Variants in MOK observed in about 807,000 individuals in gnomAD.
The protein encoded by MOK is MOK protein kinase.
MOK carries 59 observed loss-of-function variants against 54.2 expected under a neutral mutation model. The observed-to-expected ratio is 1.09, with a 90% CI of 0.88 to 1.35. The LOEUF is 1.35. MOK is among the 40% of genes most tolerant of loss of function. The pLI is 0.00. For missense variants in MOK, 517 were observed against 526.2 expected (o/e 0.98, Z 0.17); for synonymous variants, 210 against 202.7 (o/e 1.04, Z -0.31).
At chr14:102,222,442 T>C (rs1464432682), downstream of MOK, among the ~76,000 whole-genome samples, 1 of 152,218 alleles carries the variant, frequency 6.6e-6, no homozygotes, top group African/African-American at 2.4e-5. The surrounding 1 kb of genome is among the most constrained non-coding windows in gnomAD (Gnocchi z 4.4). Flanking sequence ...GGTCCAGAAC[T>C]GCGGTGCCCT....
At chr14:102,300,490 C>T (rs2072063108) in intron 1 of MOK, among the ~76,000 whole-genome samples, 2 of 151,838 alleles carry the variant, frequency 1.3e-5, no homozygotes, top group Non-Finnish European at 2.9e-5. Context: ...TGGAGGCTGT[C>T]GTGAGCTGTG....
chr14:102,224,398 A>ATCC, downstream of MOK: 1 of 361,534 alleles, frequency 2.8e-6, no homozygotes, highest in South Asian at 2.2e-5. Flanking sequence ...AGTTTAGGGC[A>ATCC]TCCCACACCT....
chr14:102,277,180 C>T (rs2068956798), intron 2 of MOK: 1 of 152,036 alleles, frequency 6.6e-6, no homozygotes, highest in Non-Finnish European at 1.5e-5. Context: ...AAGCAAGCCA[C>T]CACACCCAGC....
Position 102,251,981 on chromosome 14 carries a change from AT to A in MOK, c.297del (p.Leu100TyrfsTer30). 6.3e-7 allele frequency: 1 copy of A among 1,591,180 alleles called. No individual in the cohort carries two copies. The highest frequency in any genetic ancestry group is 8.6e-7 in the Non-Finnish European group (1 of 1,160,024). On this transcript the variant is annotated frameshift_variant, in exon 5 of 12. Coordinates refer to ENST00000361847, the MANE Select transcript of MOK (RefSeq NM_014226.3). LOFTEE classifies it high-confidence loss of function. Reference sequence around the variant, plus strand: ...TAGTGCATAATTTTTTTTTCTGATAATGGGTATCTTCTCCCTGTACAATCAA... The same window carrying A: ...TAGTGCATAATTTTTTTTTCTGATAAGGGTATCTTCTCCCTGTACAATCAA... ...IYELIRGRRY[P>X]LSEKKIMHYM...
rs911704768 is a variant in MOK at position 102,289,737 on chromosome 14, G to A, written c.8-6145C>T. Among the ~76,000 whole-genome samples the A allele has an allele frequency of 3.9e-5, 6 of 152,040 alleles. No homozygotes were observed. The South Asian group carries it at 8.3e-4, about 21-fold the overall frequency. ...ACTCCTAACCTCAGGTAATCCACCC[G>A]CCTCAGCTTCCCACCCGCCTCACCC... On this transcript the variant is annotated intron_variant, in intron 1 of 11. Coordinates refer to ENST00000361847, the MANE Select transcript of MOK (RefSeq NM_014226.3).
intron 1 of MOK, among the ~76,000 whole-genome samples, chr14:102,295,195 C>A (rs2071300176): frequency 6.6e-6 from 1 of 152,008 alleles, no homozygotes; most frequent in Admixed American, 6.6e-5. Context: ...ATAGAGTAAA[C>A]AAGCACCAAA....
intron 1 of MOK, among the ~76,000 whole-genome samples, chr14:102,287,096 A>C (rs1412775126): frequency 6.6e-6 from 1 of 152,200 alleles, no homozygotes; most frequent in African/African-American, 2.4e-5. Context: ...AATAACAAAA[A>C]CTAAATACTC....
chr14:102,228,339 G>A (rs958784146), downstream of MOK, among the ~76,000 whole-genome samples: 4 of 152,326 alleles, frequency 2.6e-5, no homozygotes, highest in South Asian at 2.1e-4. Flanking sequence ...TCACTGAGGA[G>A]CACACAGGGC....
chr14:102,283,163 G>GT (rs963606671), intron 2 of MOK: 61 of 187,422 alleles, frequency 3.3e-4, no homozygotes, highest in Non-Finnish European at 4.4e-4. Flanking sequence ...TTTTTTTGCT[G>GT]TTTTTTTTAA....
chr14:102,284,171 C>T (rs1199999021), intron 1 of MOK, among the ~76,000 whole-genome samples: 1 of 151,878 alleles, frequency 6.6e-6, no homozygotes, highest in Non-Finnish European at 1.5e-5. Context: ...TGCTTGATAC[C>T]TAGGGTAGTT....
At chr14:102,258,365 T>G (rs765915759) in intron 4 of MOK, among the ~76,000 whole-genome samples, 3 of 152,228 alleles carry the variant, frequency 2.0e-5, no homozygotes, top group Admixed American at 6.5e-5. Flanking sequence ...TGGCTGTCCC[T>G]CTGCCTGAAG....
intron 4 of MOK, among the ~76,000 whole-genome samples, chr14:102,259,869 C>T (rs1448194069): frequency 2.0e-5 from 3 of 151,756 alleles, no homozygotes; most frequent in African/African-American, 7.3e-5. Flanking sequence ...CATGGTGAAA[C>T]CTGTCTCTAC....
At chr14:102,283,436 C>A in intron 2 of MOK, 42 bp downstream of exon 2, 1 of 1,337,250 alleles carries the variant, frequency 7.5e-7, no homozygotes, top group South Asian at 1.3e-5. Flanking sequence ...TTGACTGAAA[C>A]TTGGATCTGT....
chr14:102,229,521 C>G lies in MOK; in HGVS notation c.1118G>C (p.Gly373Ala). The change falls in exon 11 of 12, where the codon GGA becomes GCA. Residue 373 changes from glycine to alanine, a missense_variant. Coordinates refer to ENST00000361847, the MANE Select transcript of MOK (RefSeq NM_014226.3). ...CGGCACTCTTCCATTTGTTCCAGAT[C>G]CAAGCACGGACTGCAGCGTGGGGCT... ...YSSPTLQSVL[G>A]SGTNGRVPVL... The G allele has an allele frequency of 6.2e-7, 1 of 1,614,152 alleles. No homozygotes were observed. The highest frequency in any genetic ancestry group is 1.3e-5 in the African/African-American group (1 of 75,044).
the MOK span, chr14:102,215,008 T>C: frequency 1.0e-6 from 1 of 982,302 alleles, no homozygotes; most frequent in African/African-American, 1.7e-5. Context: ...ACTGTAAATG[T>C]AGATAATTTT....
chr14:102,288,329 A>G (rs1176928378), intron 1 of MOK, among the ~76,000 whole-genome samples: 1 of 152,240 alleles, frequency 6.6e-6, no homozygotes. Context: ...TGGTCTATCC[A>G]TACAATGGAA....
At chr14:102,263,999 C>T (rs936780480) in intron 3 of MOK, 2 of 171,850 alleles carry the variant, frequency 1.2e-5, no homozygotes, top group Non-Finnish European at 2.4e-5. Flanking sequence ...TCGATCACTT[C>T]AGGTTAGGAG....
intron 7 of MOK, among the ~76,000 whole-genome samples, chr14:102,244,626 C>T (rs1031839728): frequency 7.2e-5 from 11 of 152,156 alleles, no homozygotes; most frequent in Admixed American, 5.9e-4. Flanking sequence ...TACTCACATG[C>T]CCTGAGTCAG....
At chr14:102,267,632 C>A (rs2068022337) in intron 2 of MOK, among the ~76,000 whole-genome samples, 1 of 152,118 alleles carries the variant, frequency 6.6e-6, no homozygotes, top group Non-Finnish European at 1.5e-5. Flanking sequence ...CAAATAGAAG[C>A]CTGATATTTA....
Sources: allele counts gnomAD v4.1 joint callset (sites outside exome capture counted in the v4.1 genomes callset), GRCh38; gene constraint gnomAD v4.1.1; non-coding constraint Gnocchi (gnomAD v3.1); transcripts MANE v1.5; gene names NCBI Gene and HGNC (gene_info 2026-07-23, HGNC 2026-07-21).